Variants in CACNA2D1 observed in about 807,000 individuals in gnomAD.
The protein encoded by CACNA2D1 is calcium voltage-gated channel auxiliary subunit alpha2delta 1.
Under a neutral mutation model 171.5 loss-of-function variants are expected in CACNA2D1, and 53 were observed. The observed-to-expected ratio is 0.31, with a 90% CI of 0.25 to 0.39. The LOEUF is 0.39. Among genes scored for constraint, CACNA2D1 ranks in the 10% least tolerant of loss-of-function variants. CACNA2D1 has a pLI of 1.00. For synonymous variants in CACNA2D1, 442 were observed against 443.1 expected, an observed-to-expected ratio of 1.00 and a Z score of 0.03; for missense variants, 903 against 1,299.8, an observed-to-expected ratio of 0.69 and a Z score of 4.69.
intron 3 of CACNA2D1, among the ~76,000 whole-genome samples, chr7:82,238,403 A>G (rs1803867932): frequency 6.6e-6 from 1 of 152,094 alleles, no homozygotes; most frequent in Admixed American, 6.6e-5. Context: ...AAATGGTCCT[A>G]TTAAAAAGTG....
intron 6 of CACNA2D1, among the ~76,000 whole-genome samples, chr7:82,089,589 G>A (rs2129016610): frequency 6.6e-6 from 1 of 152,226 alleles, no homozygotes; most frequent in Admixed American, 6.5e-5. Context: ...TTAAAAAACT[G>A]GCCTTGGTGT....
Position 82,002,880 on chromosome 7 carries a change from C to CA in CACNA2D1, c.1590+2542dup, listed in dbSNP as rs940539693. ...GCTTTTAAAGAACACTCATCTTCTACAAAAAAAAAAAGAGGAATACTTGCA... is the reference window on the plus strand; with the variant it reads ...GCTTTTAAAGAACACTCATCTTCTACAAAAAAAAAAAAGAGGAATACTTGCA... On this transcript the variant is annotated intron_variant, in intron 18 of 38. Transcript: ENST00000356860. 6.6e-3 allele frequency among the ~76,000 whole-genome samples: 906 copies of CA among 136,380 alleles called. 3 individuals carry two copies. The highest frequency in any genetic ancestry group is 0.011 in the African/African-American group (412 of 37,266). 89.5% of individuals were successfully genotyped at this position (136,380 alleles called of 152,430 possible).
chr7:82,150,018 G>A (rs1793641683), intron 4 of CACNA2D1, among the ~76,000 whole-genome samples: 1 of 151,888 alleles, frequency 6.6e-6, no homozygotes, highest in Non-Finnish European at 1.5e-5. Flanking sequence ...GCACTGAGGA[G>A]ATGTGGGCAG....
At chr7:82,102,193 C>T (rs928203746) in intron 6 of CACNA2D1, among the ~76,000 whole-genome samples, 2 of 151,730 alleles carry the variant, frequency 1.3e-5, no homozygotes, top group African/African-American at 4.8e-5. Flanking sequence ...TATTGTGCAG[C>T]TCCTGAAAAT....
At chr7:81,990,546 AG>A (rs1171536208) in intron 21 of CACNA2D1, among the ~76,000 whole-genome samples, 1 of 151,896 alleles carries the variant, frequency 6.6e-6, no homozygotes, top group East Asian at 1.9e-4. Context: ...AATTTCAGAA[AG>A]GAAAAAAAAA....
chr7:82,064,473 C>A, intron 8 of CACNA2D1, 119 bp from the exon 9 acceptor site: 1 of 655,138 alleles, frequency 1.5e-6, no homozygotes, highest in South Asian at 1.8e-5. Flanking sequence ...AGACCCACTT[C>A]TATCTAAGTA....
At chr7:82,331,915 A>T (rs945428977) in intron 3 of CACNA2D1, among the ~76,000 whole-genome samples, 2 of 152,148 alleles carry the variant, frequency 1.3e-5, no homozygotes, top group African/African-American at 4.8e-5. Context: ...CCTTATTTTT[A>T]TTAGATAAGT....
In CACNA2D1 at chr7:82,324,890, A is replaced by T. The variant is rs1228560608; in HGVS notation, c.294+10245T>A. Among the ~76,000 whole-genome samples the T allele has an allele frequency of 2.0e-5, 3 of 152,170 alleles. No homozygotes were observed. In the East Asian group the frequency reaches 5.8e-4, roughly 29 times the overall value. ...AAAGAAAACAGTAAAATAGACACTCACCAAATGCCAAGGTGCGTGGACAAA... is the reference window on the plus strand; with the variant it reads ...AAAGAAAACAGTAAAATAGACACTCTCCAAATGCCAAGGTGCGTGGACAAA... On this transcript the variant is annotated intron_variant, in intron 3 of 38. Coordinates refer to ENST00000356860, the MANE Select transcript of CACNA2D1 (RefSeq NM_000722.4).
chr7:82,208,784 T>C (rs2129220802), intron 3 of CACNA2D1, among the ~76,000 whole-genome samples: 1 of 152,290 alleles, frequency 6.6e-6, no homozygotes, highest in African/African-American at 2.4e-5. Flanking sequence ...ATGGTGACTA[T>C]AGTTAACAAT....
rs527714317 is a variant in CACNA2D1 at position 82,251,498 on chromosome 7, T to C, written c.295-80889A>G. 5.9e-5 allele frequency among the ~76,000 whole-genome samples: 9 copies of C among 152,304 alleles called. No homozygotes were observed. In the South Asian group the frequency reaches 1.9e-3, roughly 32 times the overall value. On this transcript the variant is annotated intron_variant, in intron 3 of 38. Transcript: ENST00000356860. ...AAGGAAATATTTACATACACACATA[T>C]ATAAAATAATTTAAGAGTACAATGT...
intron 1 of CACNA2D1, among the ~76,000 whole-genome samples, chr7:82,428,545 C>T (rs1829401317): frequency 6.6e-6 from 1 of 152,100 alleles, no homozygotes; most frequent in African/African-American, 2.4e-5. Context: ...TCCATAGATG[C>T]CTCCAGGAGT....
chr7:82,223,552 T>G (rs1234189629), intron 3 of CACNA2D1, among the ~76,000 whole-genome samples: 2 of 152,308 alleles, frequency 1.3e-5, no homozygotes, highest in South Asian at 2.1e-4. Context: ...TGCAATGACA[T>G]TCGGTAAATC....
intron 1 of CACNA2D1, among the ~76,000 whole-genome samples, chr7:82,438,019 A>C (rs1375447591): frequency 2.0e-5 from 3 of 152,278 alleles, no homozygotes; most frequent in Middle Eastern, 3.4e-3. Flanking sequence ...TCTTTCTCAC[A>C]CTTGTTTAAA....
At chr7:82,134,341 G>T (rs1049163104) in intron 5 of CACNA2D1, among the ~76,000 whole-genome samples, 3 of 152,200 alleles carry the variant, frequency 2.0e-5, no homozygotes, top group East Asian at 3.9e-4. Context: ...TCTGTATCAT[G>T]TCTTAGATGA....
chr7:82,146,526 C>A lies in CACNA2D1; in HGVS notation c.355-9850G>T, dbSNP rs1445396800. 2.2e-5 allele frequency among the ~76,000 whole-genome samples: 3 copies of A among 135,944 alleles called. 1 individual carries two copies. Among genetic ancestry groups the A allele is most frequent in the Admixed American group, 7.5e-5 (1 of 13,266 alleles). The allele number at this position is 135,944 out of a possible 152,430, so 89.2% of individuals were successfully genotyped here. On this transcript the variant is annotated intron_variant, in intron 4 of 38. Transcript: ENST00000356860. ...TATATAAAGATATATATCTTTATAT[C>A]TATATATATATCTTTTACAGGTAAG...
At chr7:82,313,012 G>A (rs1563351270) in intron 3 of CACNA2D1, among the ~76,000 whole-genome samples, 1 of 152,132 alleles carries the variant, frequency 6.6e-6, no homozygotes, top group Non-Finnish European at 1.5e-5. Flanking sequence ...TGCATCGTAT[G>A]TACAGTCCTG....
At chr7:82,156,179 C>T (rs536107618) in intron 4 of CACNA2D1, among the ~76,000 whole-genome samples, 12 of 152,184 alleles carry the variant, frequency 7.9e-5, no homozygotes, top group Middle Eastern at 3.4e-3. Flanking sequence ...TGTTGGTATA[C>T]CATGTGATTA....
At chr7:82,180,826 G>C (rs73162702) in intron 3 of CACNA2D1, among the ~76,000 whole-genome samples, 6 of 151,884 alleles carry the variant, frequency 4.0e-5, no homozygotes, top group African/African-American at 9.7e-5. Flanking sequence ...GGTGGCAGGT[G>C]GGGGGAAGAG....
At chr7:82,063,416 G>A (rs192420495) in intron 9 of CACNA2D1, among the ~76,000 whole-genome samples, 91 of 152,170 alleles carry the variant, frequency 6.0e-4, no homozygotes, top group African/African-American at 1.8e-3. Context: ...CTCTTTCTCA[G>A]ACTGGGTTAT....
Sources: allele counts gnomAD v4.1 joint callset (sites outside exome capture counted in the v4.1 genomes callset), GRCh38; gene constraint gnomAD v4.1.1; transcripts MANE v1.5; gene names NCBI Gene and HGNC (gene_info 2026-07-23, HGNC 2026-07-21).